EPC1: variants seen among roughly 807,000 people sequenced by gnomAD.
EPC1 encodes enhancer of polycomb 1, also known as enhancer of polycomb homolog 1.
In EPC1, 12 loss-of-function variants were observed where a neutral mutation model predicts 98.4. The observed-to-expected ratio is 0.12, with a 90% CI of 0.08 to 0.20. The LOEUF (loss-of-function observed/expected upper bound fraction) is 0.20. Among genes scored for constraint, EPC1 ranks in the 10% least tolerant of loss-of-function variants. The pLI, the probability that EPC1 is intolerant of heterozygous loss-of-function variation, is 1.00. For synonymous variants in EPC1, 357 were observed against 363.9 expected (o/e 0.98, Z 0.21); for missense variants, 729 against 990.5 (o/e 0.74, Z 3.54).
chr10:32,365,514 A>T (rs1839573197), intron 1 of EPC1, among the ~76,000 whole-genome samples: 1 of 152,150 alleles, frequency 6.6e-6, no homozygotes, highest in Non-Finnish European at 1.5e-5. Flanking sequence ...TATGATGGAA[A>T]TATGAAGAGT....
upstream of EPC1, among the ~76,000 whole-genome samples, chr10:32,348,730 C>T (rs896762459): frequency 6.6e-6 from 1 of 152,166 alleles, no homozygotes; most frequent in Admixed American, 6.5e-5. Context: ...GTCAGCTTGG[C>T]ACCCACAGGG....
intron 2 of EPC1, 44 bp from the exon 3 acceptor site, chr10:32,293,781 C>A (rs1323561877): frequency 1.9e-6 from 3 of 1,539,860 alleles, no homozygotes; most frequent in Non-Finnish European, 2.6e-6. Flanking sequence ...TGTGAATTCA[C>A]CGACAAAAAC....
chr10:32,347,870 G>A (rs1838961048), upstream of EPC1, among the ~76,000 whole-genome samples: 1 of 152,204 alleles, frequency 6.6e-6, no homozygotes, highest in Non-Finnish European at 1.5e-5. Flanking sequence ...CACGCATTGG[G>A]CTTAATATAA....
At chr10:32,317,225 G>A (rs577956278) in intron 1 of EPC1, among the ~76,000 whole-genome samples, 74 of 152,120 alleles carry the variant, frequency 4.9e-4, no homozygotes, top group African/African-American at 1.7e-3. Flanking sequence ...CTACAATCAC[G>A]CCTAAAGCAT....
intron 1 of EPC1, among the ~76,000 whole-genome samples, chr10:32,339,891 G>C (rs1037329310): frequency 6.6e-6 from 1 of 152,178 alleles, no homozygotes; most frequent in Admixed American, 6.5e-5. Context: ...TCAAGGTAGG[G>C]AAAGTTTCCT....
chr10:32,281,859 C>T (rs1184761011), intron 10 of EPC1: 1 of 152,150 alleles, frequency 6.6e-6, no homozygotes, highest in South Asian at 2.1e-4. Context: ...TTAGTAGAGA[C>T]CAGGTTTCGC....
chr10:32,273,044 C>T, intron 11 of EPC1, 119 bp downstream of exon 11: 1 of 1,614,140 alleles, frequency 6.2e-7, no homozygotes, highest in Non-Finnish European at 8.5e-7. Flanking sequence ...CCTGTATATT[C>T]AGGCGAAAGC....
At chr10:32,291,870 T>G (rs1834871976) in intron 5 of EPC1, 1 of 152,192 alleles carries the variant, frequency 6.6e-6, no homozygotes, top group African/African-American at 2.4e-5. Flanking sequence ...AATAGAGGAT[T>G]GTTGGGAAAA....
intron 1 of EPC1, among the ~76,000 whole-genome samples, chr10:32,306,984 T>C (rs1349751259): frequency 6.6e-6 from 1 of 152,168 alleles, no homozygotes; most frequent in East Asian, 1.9e-4. Flanking sequence ...AATATTTTAA[T>C]GTATATACAA....
At chr10:32,278,243 T>C (rs1278530638) in intron 10 of EPC1, among the ~76,000 whole-genome samples, 2 of 151,748 alleles carry the variant, frequency 1.3e-5, no homozygotes, top group East Asian at 3.9e-4. Context: ...GTTTTCGCCA[T>C]GTTTGCCAGG....
chr10:32,317,281 A>T (rs1378251643), intron 1 of EPC1, among the ~76,000 whole-genome samples: 2 of 152,224 alleles, frequency 1.3e-5, no homozygotes, highest in Non-Finnish European at 1.5e-5. Flanking sequence ...TGAGCCAATG[A>T]ATTATACCAG....
intron 6 of EPC1, among the ~76,000 whole-genome samples, chr10:32,289,676 T>C (rs1198763505): frequency 6.6e-6 from 1 of 151,368 alleles, no homozygotes; most frequent in South Asian, 2.1e-4. Flanking sequence ...CAAGCTGGAG[T>C]GCAGTGGCGC....
chr10:32,329,089 T>A (rs1390854576), intron 1 of EPC1, among the ~76,000 whole-genome samples: 1 of 152,210 alleles, frequency 6.6e-6, no homozygotes, highest in African/African-American at 2.4e-5. Flanking sequence ...TGCCTTTTGG[T>A]CATATGACAA....
intron 10 of EPC1, among the ~76,000 whole-genome samples, chr10:32,279,597 G>C (rs1442302688): frequency 6.6e-6 from 1 of 152,122 alleles, no homozygotes; most frequent in Non-Finnish European, 1.5e-5. Context: ...CTTTACTGCA[G>C]ATATGAGAGC....
intron 10 of EPC1, among the ~76,000 whole-genome samples, chr10:32,277,266 T>C (rs1034001984): frequency 1.3e-5 from 2 of 152,132 alleles, no homozygotes; most frequent in Non-Finnish European, 2.9e-5. Context: ...GCTCCAAATA[T>C]TTAACCAGGA....
chr10:32,351,411 C>T (rs1452557658), upstream of EPC1, among the ~76,000 whole-genome samples: 3 of 152,088 alleles, frequency 2.0e-5, no homozygotes, highest in Non-Finnish European at 4.4e-5. Flanking sequence ...AATCCCAGTA[C>T]TTTGGGAGGC....
At chr10:32,277,625 T>C (rs897756225) in intron 10 of EPC1, among the ~76,000 whole-genome samples, 7 of 152,162 alleles carry the variant, frequency 4.6e-5, no homozygotes, top group Admixed American at 1.3e-4. Flanking sequence ...AGTGGTGTGA[T>C]CTGGGCTCAC....
Position 32,271,879 on chromosome 10 carries a change from T to C in EPC1, c.2044A>G (p.Thr682Ala). The C allele has an allele frequency of 1.9e-6, 3 of 1,614,146 alleles. No homozygotes were observed. The highest frequency in any genetic ancestry group is 2.5e-6 in the Non-Finnish European group (3 of 1,179,998). ...KGLHLSSTTP[T>A]ALVHTSPSTA... is the part of the protein sequence containing the mutation. ...GATGGACTTGTATGTACAAGTGCTG[T>C]TGGTGTAGTACTACTGAGGTGTAAG... Residue 682 changes from threonine (T) to alanine (A), a missense_variant, in exon 13 of 14, where the codon ACA becomes GCA. Thr to Ala is a moderately conservative substitution (Grantham distance 58, BLOSUM62 0). This residue lies in a region of EPC1 where 156 missense variants were observed against 188.9 expected (regional missense o/e 0.83). Coordinates refer to ENST00000319778, the MANE Select transcript of EPC1 (RefSeq NM_001272004.3).
intron 11 of EPC1, 96 bp from the exon 12 acceptor site, chr10:32,272,263 G>A (rs1835886593): frequency 1.9e-6 from 2 of 1,047,664 alleles, no homozygotes; most frequent in Admixed American, 3.4e-5. Flanking sequence ...TTGAATATAA[G>A]TAAAAATGGC....
Sources: gnomAD v4.1 joint callset for allele counts (sites outside exome capture counted in the v4.1 genomes callset) on GRCh38, gnomAD v4.1.1 for gene constraint, gnomAD v4.1.1 regional missense constraint, MANE v1.5 for transcripts, NCBI Gene and HGNC (gene_info 2026-07-23, HGNC 2026-07-21) for gene names.